The following MACROD2 variants were observed in gnomAD, a reference collection of about 807,000 sequenced individuals.
MACROD2 encodes ADP-ribose glycohydrolase MACROD2.
Under a neutral mutation model 70.4 loss-of-function variants are expected in MACROD2, and 36 were observed. The observed-to-expected ratio is 0.51, with a 90% CI of 0.39 to 0.68. The LOEUF (loss-of-function observed/expected upper bound fraction) is 0.68, where lower values mean the gene tolerates loss of function less well. MACROD2 is among the 30% of genes least tolerant of loss of function. The pLI, the probability that MACROD2 is intolerant of heterozygous loss-of-function variation, is 0.00. For synonymous variants in MACROD2, 172 were observed against 178.8 expected, an observed-to-expected ratio of 0.96 and a Z score of 0.30; for missense variants, 496 against 538.4, an observed-to-expected ratio of 0.92 and a Z score of 0.78.
intron 3 of MACROD2, among the ~76,000 whole-genome samples, chr20:14,222,831 A>AGG (rs2081691235): frequency 1.9e-5 from 2 of 102,574 alleles, no homozygotes; most frequent in Admixed American, 2.0e-4. Context: ...AAAAAAAAAA[A>AGG]AAAAAAAAAA....
intron 5 of MACROD2, among the ~76,000 whole-genome samples, chr20:14,978,840 A>T (rs2074767722): frequency 6.8e-6 from 1 of 146,730 alleles, no homozygotes; most frequent in Admixed American, 6.9e-5. Flanking sequence ...TTTGCAAAGG[A>T]GGGTATTATT....
intron 7 of MACROD2, among the ~76,000 whole-genome samples, chr20:15,458,466 T>A (rs1368429702): frequency 6.6e-6 from 1 of 152,044 alleles, no homozygotes; most frequent in Non-Finnish European, 1.5e-5. Context: ...GGGCTTAGAA[T>A]TGAAAAGCTG....
At chr20:14,149,433 A>T (rs2054987304) in intron 3 of MACROD2, among the ~76,000 whole-genome samples, 1 of 152,138 alleles carries the variant, frequency 6.6e-6, no homozygotes. Flanking sequence ...TGCTATTGTG[A>T]ATAGGGCTGC....
At chr20:15,612,820 C>T (rs2048987796) in intron 8 of MACROD2, among the ~76,000 whole-genome samples, 1 of 152,196 alleles carries the variant, frequency 6.6e-6, no homozygotes, top group Non-Finnish European at 1.5e-5. Flanking sequence ...AGGCTTCTGG[C>T]TATAGAAAAT....
At chr20:15,645,447 C>T (rs1485127082) in intron 8 of MACROD2, among the ~76,000 whole-genome samples, 1 of 152,098 alleles carries the variant, frequency 6.6e-6, no homozygotes, top group Non-Finnish European at 1.5e-5. Context: ...TGAAGATGTT[C>T]CAAAGAAATG....
chr20:14,453,965 T>C (rs2084272146), intron 3 of MACROD2, among the ~76,000 whole-genome samples: 1 of 151,922 alleles, frequency 6.6e-6, no homozygotes, highest in South Asian at 2.1e-4. Flanking sequence ...TATTACATTA[T>C]GTTTTAAATA....
At chr20:14,257,381 T>G (rs1326902419) in intron 3 of MACROD2, among the ~76,000 whole-genome samples, 1 of 152,214 alleles carries the variant, frequency 6.6e-6, no homozygotes, top group Non-Finnish European at 1.5e-5. Context: ...CTATTTTTAC[T>G]CCTTTTAGTT....
intron 3 of MACROD2, among the ~76,000 whole-genome samples, chr20:14,438,604 C>G (rs950814219): frequency 1.3e-5 from 2 of 152,166 alleles, no homozygotes; most frequent in Non-Finnish European, 2.9e-5. Flanking sequence ...AACAGTCATC[C>G]TAACAGATGT....
chr20:15,767,111 C>T (rs895710280), intron 8 of MACROD2, among the ~76,000 whole-genome samples: 1 of 152,298 alleles, frequency 6.6e-6, no homozygotes, highest in African/African-American at 2.4e-5. Context: ...ATATGAGAGG[C>T]CAGCTTTTTC....
intron 5 of MACROD2, chr20:14,850,211 T>C: frequency 3.4e-6 from 1 of 295,630 alleles, no homozygotes. Flanking sequence ...GACTGGAAGA[T>C]GAACATCTCA....
chr20:16,041,303 C>A (rs766830715), intron 16 of MACROD2, 25 bp downstream of exon 16: 1 of 1,574,540 alleles, frequency 6.4e-7, no homozygotes, highest in South Asian at 1.1e-5. Context: ...TATTGGAGCC[C>A]ATGGAAACTA....
intron 8 of MACROD2, among the ~76,000 whole-genome samples, chr20:15,751,487 C>T (rs1460826587): frequency 6.6e-6 from 1 of 152,040 alleles, no homozygotes; most frequent in Non-Finnish European, 1.5e-5. Context: ...AACATATTTA[C>T]TATTTCCAGG....
intron 6 of MACROD2, among the ~76,000 whole-genome samples, chr20:15,277,591 C>A (rs778786609): frequency 6.6e-6 from 1 of 152,190 alleles, no homozygotes; most frequent in Non-Finnish European, 1.5e-5. Context: ...GCCTGAGATC[C>A]TGCATTTCTA....
chr20:14,688,308 A>G (rs2071025546), intron 5 of MACROD2, among the ~76,000 whole-genome samples: 1 of 152,326 alleles, frequency 6.6e-6, no homozygotes, highest in African/African-American at 2.4e-5. Context: ...GACAAACTTC[A>G]TAGTTTTGAA....
At chr20:15,501,062 A>G (rs1247333167) in intron 8 of MACROD2, among the ~76,000 whole-genome samples, 1 of 152,220 alleles carries the variant, frequency 6.6e-6, no homozygotes, top group African/African-American at 2.4e-5. Flanking sequence ...GTTAAATGAC[A>G]TACTCAAGAT....
chr20:15,689,095 G>C (rs1210284730), intron 8 of MACROD2, among the ~76,000 whole-genome samples: 3 of 152,208 alleles, frequency 2.0e-5, no homozygotes, highest in Non-Finnish European at 4.4e-5. Context: ...CCGGAGGTCA[G>C]GAGTTCGAGA....
chr20:15,281,596 C>T (rs1021195100), intron 6 of MACROD2, among the ~76,000 whole-genome samples: 1 of 152,230 alleles, frequency 6.6e-6, no homozygotes, highest in African/African-American at 2.4e-5. Flanking sequence ...CCATGTCTCA[C>T]ACCCAGGTCA....
chr20:15,604,455 G>A (rs1290555772), intron 8 of MACROD2, among the ~76,000 whole-genome samples: 2 of 152,170 alleles, frequency 1.3e-5, no homozygotes, highest in South Asian at 2.1e-4. Flanking sequence ...AGCACCACAG[G>A]CAATTCTACA....
chr20:14,522,239 T>C (rs1403640769), intron 4 of MACROD2, among the ~76,000 whole-genome samples: 1 of 144,764 alleles, frequency 6.9e-6, no homozygotes, highest in African/African-American at 2.5e-5. Context: ...ATAACACAGA[T>C]AGATAGGTCC....
Sources: allele counts gnomAD v4.1 joint callset (sites outside exome capture counted in the v4.1 genomes callset), GRCh38; gene constraint gnomAD v4.1.1; transcripts MANE v1.5; gene names NCBI Gene and HGNC (gene_info 2026-07-23, HGNC 2026-07-21).